EPHA6: variants seen among roughly 807,000 people sequenced by gnomAD.
EPHA6 encodes EPH receptor A6.
EPHA6 carries 50 observed loss-of-function variants against 112.0 expected under a neutral mutation model. The observed-to-expected ratio is 0.45, with a 90% confidence interval of 0.36 to 0.56. The LOEUF (loss-of-function observed/expected upper bound fraction) is 0.56, where lower values mean the gene tolerates loss of function less well. Among genes scored for constraint, EPHA6 ranks in the 20% least tolerant of loss-of-function variants. The probability of loss-of-function intolerance (pLI) is 0.00; values close to 1 mark genes in which losing one functional copy is unlikely to be tolerated. For missense variants in EPHA6, 1,280 were observed against 1,417.4 expected (o/e 0.90, Z 1.56); for synonymous variants, 529 against 490.7 (o/e 1.08, Z -1.03).
intron 5 of EPHA6, among the ~76,000 whole-genome samples, chr3:97,296,429 C>G (rs530986221): frequency 6.6e-6 from 1 of 152,122 alleles, no homozygotes; most frequent in Non-Finnish European, 1.5e-5. Flanking sequence ...GTGGGCAGTG[C>G]AAAGTGATCC....
At chr3:96,944,357 G>A (rs77638953) in intron 2 of EPHA6, among the ~76,000 whole-genome samples, 2 of 145,600 alleles carry the variant, frequency 1.4e-5, no homozygotes, top group Non-Finnish European at 3.0e-5. Context: ...TCTCTGGCTC[G>A]TTTCTCTTCC....
At chr3:97,326,158 G>A (rs1010595962) in intron 5 of EPHA6, among the ~76,000 whole-genome samples, 2 of 151,710 alleles carry the variant, frequency 1.3e-5, no homozygotes, top group Non-Finnish European at 2.9e-5. Flanking sequence ...TGACTCTCAG[G>A]GAATTTCAGA....
At chr3:97,142,938 C>G (rs1013822877) in intron 3 of EPHA6, among the ~76,000 whole-genome samples, 4 of 151,882 alleles carry the variant, frequency 2.6e-5, no homozygotes, top group Admixed American at 6.6e-5. Context: ...AGGATGCCCA[C>G]TGTCACCACT....
At chr3:96,986,053 T>C (rs2043010783) in intron 2 of EPHA6, among the ~76,000 whole-genome samples, 1 of 152,108 alleles carries the variant, frequency 6.6e-6, no homozygotes, top group Non-Finnish European at 1.5e-5. Flanking sequence ...ATGCCTAGCA[T>C]GTTTTCCCAA....
intron 3 of EPHA6, among the ~76,000 whole-genome samples, chr3:96,999,215 T>C (rs1426277315): frequency 2.0e-5 from 3 of 151,984 alleles, no homozygotes. Flanking sequence ...TTTCTGTTAC[T>C]GTGTCATCAG....
intron 10 of EPHA6, among the ~76,000 whole-genome samples, chr3:97,496,314 G>T (rs2091977016): frequency 6.6e-6 from 1 of 152,044 alleles, no homozygotes; most frequent in Non-Finnish European, 1.5e-5. Flanking sequence ...TTAATAGTAG[G>T]CAAGAATTAT....
At chr3:97,365,015 C>G (rs2084635234) in intron 5 of EPHA6, among the ~76,000 whole-genome samples, 1 of 152,086 alleles carries the variant, frequency 6.6e-6, no homozygotes, top group Non-Finnish European at 1.5e-5. Context: ...AGGAGAATTG[C>G]ATGTTAACAA....
intron 3 of EPHA6, among the ~76,000 whole-genome samples, chr3:97,117,144 T>C (rs1176949511): frequency 6.6e-6 from 1 of 151,730 alleles, no homozygotes; most frequent in East Asian, 1.9e-4. Flanking sequence ...AAATATCTTC[T>C]GAGGTTTTGG....
chr3:97,590,899 G>T (rs755188759), intron 11 of EPHA6, among the ~76,000 whole-genome samples: 7 of 152,178 alleles, frequency 4.6e-5, no homozygotes, highest in African/African-American at 7.2e-5. Flanking sequence ...ACATTGCAAT[G>T]TGGAAAATGC....
chr3:97,266,888 G>A (rs2079704087), intron 5 of EPHA6, among the ~76,000 whole-genome samples: 1 of 151,992 alleles, frequency 6.6e-6, no homozygotes, highest in African/African-American at 2.4e-5. Flanking sequence ...GAGATGATTT[G>A]CGTTTAGATA....
chr3:97,608,513 A>C (rs1183449222), intron 12 of EPHA6, among the ~76,000 whole-genome samples: 3 of 151,446 alleles, frequency 2.0e-5, no homozygotes, highest in Non-Finnish European at 4.4e-5. Context: ...AAACAACTTA[A>C]TATAAAAACA....
chr3:97,668,608 A>G (rs72932266), intron 14 of EPHA6, among the ~76,000 whole-genome samples: 1,550 of 152,156 alleles, frequency 0.01, 29 homozygotes, highest in African/African-American at 0.034. Context: ...AATACCCATT[A>G]TGCTGATTAA....
intron 10 of EPHA6, among the ~76,000 whole-genome samples, chr3:97,520,359 GGT>G (rs1045439651): frequency 3.3e-5 from 5 of 152,066 alleles, no homozygotes; most frequent in Non-Finnish European, 7.4e-5. Context: ...TTTGTTTCCA[GGT>G]GTAGACCTTC....
intron 6 of EPHA6, among the ~76,000 whole-genome samples, chr3:97,420,754 A>G (rs2088551883): frequency 6.6e-6 from 1 of 152,014 alleles, no homozygotes; most frequent in Non-Finnish European, 1.5e-5. Flanking sequence ...AATAATAACT[A>G]CAGGTAAATC....
chr3:96,824,095 C>G (rs2033480778), intron 1 of EPHA6, among the ~76,000 whole-genome samples: 1 of 151,610 alleles, frequency 6.6e-6, no homozygotes, highest in African/African-American at 2.4e-5. Flanking sequence ...AAAATAACAG[C>G]TTGCTAGTTT....
At chr3:97,266,890 G>A (rs149588990) in intron 5 of EPHA6, among the ~76,000 whole-genome samples, 20 of 152,102 alleles carry the variant, frequency 1.3e-4, no homozygotes, top group Middle Eastern at 6.8e-3. Flanking sequence ...GATGATTTGC[G>A]TTTAGATAAG....
chr3:97,206,270 C>T lies in EPHA6; in HGVS notation c.1115-19994C>T, dbSNP rs1182251236. 4.6e-5 allele frequency among the ~76,000 whole-genome samples: 7 copies of T among 152,060 alleles called. No individual in the cohort carries two copies. The South Asian group carries it at 6.2e-4, about 14-fold the overall frequency. ...CCTGGTCTCATTGCTTCTTTTCTCA[C>T]GCTTCTTTAATAAATTTGGTATACT... On this transcript the variant is annotated intron_variant, in intron 3 of 17. Coordinates refer to ENST00000389672, the MANE Select transcript of EPHA6 (RefSeq NM_001080448.3).
intron 14 of EPHA6, among the ~76,000 whole-genome samples, chr3:97,704,570 A>G (rs2033577532): frequency 1.3e-5 from 2 of 152,146 alleles, no homozygotes; most frequent in African/African-American, 2.4e-5. Context: ...ATATCCTCAT[A>G]TATCTGTCCA....
intron 6 of EPHA6, among the ~76,000 whole-genome samples, chr3:97,435,398 T>G (rs2089770461): frequency 6.6e-6 from 1 of 152,068 alleles, no homozygotes; most frequent in Admixed American, 6.6e-5. Context: ...GGGTAAAAAA[T>G]AGTTAATTCA....
Sources: gnomAD v4.1 joint callset for allele counts (sites outside exome capture counted in the v4.1 genomes callset) on GRCh38, gnomAD v4.1.1 for gene constraint, MANE v1.5 for transcripts, NCBI Gene and HGNC (gene_info 2026-07-23, HGNC 2026-07-21) for gene names.